Variants in SYN3 observed in about 807,000 individuals in gnomAD.
The protein encoded by SYN3 is synapsin III.
Under a neutral mutation model 65.8 loss-of-function variants are expected in SYN3, and 35 were observed. That is an observed-to-expected ratio of 0.53 (90% CI 0.41 to 0.70). The LOEUF is 0.70. Ranked by LOEUF, SYN3 falls within the 30% of genes least tolerant of loss-of-function variation. The pLI, the probability that SYN3 is intolerant of heterozygous loss-of-function variation, is 0.00. For synonymous variants in SYN3, 270 were observed against 292.9 expected (o/e 0.92, Z 0.80); for missense variants, 680 against 749.0 (o/e 0.91, Z 1.08).
intron 7 of SYN3, among the ~76,000 whole-genome samples, chr22:32,577,003 T>C (rs2058860850): frequency 1.3e-5 from 2 of 152,108 alleles, no homozygotes; most frequent in Non-Finnish European, 2.9e-5. Context: ...CTGGCCTCAC[T>C]CCAGCCCAGG....
intron 6 of SYN3, among the ~76,000 whole-genome samples, chr22:32,796,395 G>A (rs1019919485): frequency 1.3e-5 from 2 of 152,152 alleles, no homozygotes; most frequent in African/African-American, 2.4e-5. Context: ...GGATTCATGC[G>A]AATGTAGCCA....
Position 32,512,576 on chromosome 22 carries a change from T to G in SYN3, c.*1116A>C, listed in dbSNP as rs1408439436. 6.6e-6 allele frequency: 1 copy of G among 152,258 alleles called. No individual in the cohort carries two copies. Among genetic ancestry groups the G allele is most frequent in the African/African-American group, 2.4e-5 (1 of 41,476 alleles). The allele number at this position is 152,258 out of a possible 1,614,324, so 9.4% of individuals were successfully genotyped here. On this transcript the variant is annotated 3_prime_UTR_variant, in exon 14 of 14. Transcript: ENST00000358763. ...GTTTGGATTTAACAAAGCTGATTTC[T>G]TTCCTGCAGGAATTCCGAAAGCCTT... is the stretch of plus-strand genomic sequence containing the variant.
intron 6 of SYN3, among the ~76,000 whole-genome samples, chr22:32,669,663 T>G (rs919670922): frequency 1.8e-4 from 28 of 152,360 alleles, no homozygotes; most frequent in Admixed American, 1.4e-3. Flanking sequence ...AAAGAACTCC[T>G]AATTTGTAGT....
At chr22:32,941,164 T>C (rs2050926273) in intron 3 of SYN3, among the ~76,000 whole-genome samples, 1 of 152,176 alleles carries the variant, frequency 6.6e-6, no homozygotes, top group Admixed American at 6.5e-5. Context: ...TCTTAACAGC[T>C]TGTTAGTATG....
At chr22:32,743,154 C>T (rs753957421) in intron 6 of SYN3, among the ~76,000 whole-genome samples, 1 of 152,120 alleles carries the variant, frequency 6.6e-6, no homozygotes, top group Non-Finnish European at 1.5e-5. Flanking sequence ...TCAGTTACCC[C>T]CTGAGTGAGT....
At chr22:32,824,675 G>A (rs989987788) in intron 6 of SYN3, among the ~76,000 whole-genome samples, 2 of 152,128 alleles carry the variant, frequency 1.3e-5, no homozygotes, top group East Asian at 1.9e-4. Flanking sequence ...ACTTGTATTC[G>A]TTGAATGGGT....
At chr22:32,527,856 C>T in intron 12 of SYN3, 62 bp downstream of exon 12, 1 of 1,395,634 alleles carries the variant, frequency 7.2e-7, no homozygotes, top group Non-Finnish European at 9.9e-7. Flanking sequence ...CATGTGGATC[C>T]CTCGGTGCAT....
intron 6 of SYN3, among the ~76,000 whole-genome samples, chr22:32,641,607 C>CAA (rs34461957): frequency 0.029 from 1,949 of 67,680 alleles, 115 homozygotes; most frequent in African/African-American, 0.094. Context: ...GACTCCATCT[C>CAA]AAAAAAAAAA....
At chr22:32,725,070 T>C (rs908330007) in intron 6 of SYN3, among the ~76,000 whole-genome samples, 1 of 152,124 alleles carries the variant, frequency 6.6e-6, no homozygotes, top group Admixed American at 6.6e-5. Flanking sequence ...TGAGCCGAGA[T>C]CGCGCCATTG....
At chr22:32,907,129 T>TAATA (rs995588975) in intron 4 of SYN3, among the ~76,000 whole-genome samples, 1 of 152,202 alleles carries the variant, frequency 6.6e-6, no homozygotes, top group Non-Finnish European at 1.5e-5. Flanking sequence ...CACCATTAAT[T>TAATA]AATAGATATA....
At chr22:32,761,626 G>T (rs1229269751) in intron 6 of SYN3, among the ~76,000 whole-genome samples, 1 of 152,202 alleles carries the variant, frequency 6.6e-6, no homozygotes, top group East Asian at 1.9e-4. Flanking sequence ...TGAAACCCCA[G>T]AATGCAGTAT....
At position 32,889,378 on chromosome 22, in the gene SYN3, G is replaced by A. The variant is rs141060197; in HGVS notation, c.462-20253C>T. ...CTAAAGCTTCCGGAATGGGGTAAGGGTAGAATGAGCTTCTCAGGGCCCAAG... is the reference window on the plus strand; with the variant it reads ...CTAAAGCTTCCGGAATGGGGTAAGGATAGAATGAGCTTCTCAGGGCCCAAG... On this transcript the variant is annotated intron_variant, in intron 4 of 13. Coordinates refer to ENST00000358763, the MANE Select transcript of SYN3 (RefSeq NM_003490.4). Among the ~76,000 whole-genome samples, 285 of 151,392 alleles carry A rather than the reference G, an allele frequency of 1.9e-3. 3 individuals carry two copies. Among genetic ancestry groups the A allele is most frequent in the African/African-American group, 6.7e-3 (276 of 41,186 alleles).
chr22:32,879,067 A>T (rs2049056521), intron 4 of SYN3, among the ~76,000 whole-genome samples: 1 of 151,852 alleles, frequency 6.6e-6, no homozygotes, highest in Non-Finnish European at 1.5e-5. Context: ...ACACACAGAC[A>T]CACACATACA....
At chr22:32,951,470 G>C (rs1211898808) in intron 3 of SYN3, among the ~76,000 whole-genome samples, 1 of 152,152 alleles carries the variant, frequency 6.6e-6, no homozygotes, top group African/African-American at 2.4e-5. Flanking sequence ...CTATTCAATG[G>C]TCTACCTCTC....
chr22:32,876,552 C>T (rs1363977027), intron 4 of SYN3, among the ~76,000 whole-genome samples: 1 of 148,830 alleles, frequency 6.7e-6, no homozygotes, highest in Non-Finnish European at 1.5e-5. Flanking sequence ...GAAATGGGAA[C>T]TATTACATTC....
intron 1 of SYN3, among the ~76,000 whole-genome samples, chr22:33,045,907 T>G (rs2054055396): frequency 6.6e-6 from 1 of 151,788 alleles, no homozygotes; most frequent in African/African-American, 2.4e-5. Flanking sequence ...GCATTCAGAA[T>G]GATTCTCTAA....
Position 32,686,390 on chromosome 22 carries a change from CCTT to C in SYN3, c.712-89657_712-89655del, listed in dbSNP as rs1261489566. On this transcript the variant is annotated intron_variant, in intron 6 of 13. Transcript: ENST00000358763. ...TGAGTGTTGTACATCTTCTACATCT[CCTT>C]TTTTTTTTTTTTCAAGAAAAGTCAG... is the stretch of plus-strand genomic sequence containing the variant. Among the ~76,000 whole-genome samples the C allele has an allele frequency of 2.7e-3, 399 of 150,122 alleles. 2 individuals carry two copies. Among genetic ancestry groups the C allele is most frequent in the African/African-American group, 9.2e-3 (373 of 40,436 alleles).
chr22:32,625,047 T>TATGCCCAGGGTTGGTTTATTGGC (rs1365863020), intron 6 of SYN3, among the ~76,000 whole-genome samples: 6 of 152,230 alleles, frequency 3.9e-5, no homozygotes. Flanking sequence ...GCTGCCTTTC[T>TATGCCCAGGGTTGGTTTATTGGC]ATGCCCAGGG....
rs777706389 is a variant in SYN3 at position 32,868,928 on chromosome 22, T to G, written c.621+38A>C. On this transcript the variant is annotated intron_variant, in intron 5 of 13. Transcript: ENST00000358763. ...GCAGAGTGGGAGGCCACCCACTGCCTCCCAGATCCCTCCAGGTCAGCCTGC... is the reference window on the plus strand; with the variant it reads ...GCAGAGTGGGAGGCCACCCACTGCCGCCCAGATCCCTCCAGGTCAGCCTGC... The G allele has an allele frequency of 2.5e-6, 4 of 1,598,246 alleles. No individual in the cohort carries two copies. The African/African-American group carries it at 5.4e-5, about 21-fold the overall frequency.
Sources: gnomAD v4.1 joint callset for allele counts (sites outside exome capture counted in the v4.1 genomes callset) on GRCh38, gnomAD v4.1.1 for gene constraint, MANE v1.5 for transcripts, NCBI Gene and HGNC (gene_info 2026-07-23, HGNC 2026-07-21) for gene names.